Variants in PARD3B observed in about 807,000 individuals in gnomAD.
The protein encoded by PARD3B is partitioning defective 3 homolog B.
A neutral mutation model predicts 130.2 loss-of-function variants in PARD3B; 103 were observed. The observed-to-expected ratio is 0.79, with a 90% CI of 0.67 to 0.93. The LOEUF (loss-of-function observed/expected upper bound fraction) is 0.93, where lower values mean the gene tolerates loss of function less well. Ranked by LOEUF, PARD3B falls within the 40% of genes least tolerant of loss-of-function variation. The pLI, the probability that PARD3B is intolerant of heterozygous loss-of-function variation, is 0.00. For missense variants in PARD3B, 1,609 were observed against 1,499.2 expected (o/e 1.07, Z -1.21); for synonymous variants, 583 against 553.2 (o/e 1.05, Z -0.76).
intron 2 of PARD3B, among the ~76,000 whole-genome samples, chr2:204,910,931 C>T (rs565296868): frequency 2.0e-5 from 3 of 152,268 alleles, no homozygotes; most frequent in Admixed American, 1.3e-4. Flanking sequence ...CATGAGACAC[C>T]GCGCCCGGCC....
intron 4 of PARD3B, among the ~76,000 whole-genome samples, chr2:205,067,771 T>A (rs960036787): frequency 3.9e-5 from 6 of 152,214 alleles, no homozygotes; most frequent in African/African-American, 1.4e-4. Context: ...TAGATGATGC[T>A]ATTTTTTCTT....
chr2:204,604,719 T>C (rs1284109588), intron 1 of PARD3B, among the ~76,000 whole-genome samples: 1 of 152,176 alleles, frequency 6.6e-6, no homozygotes, highest in African/African-American at 2.4e-5. Context: ...ATATAGTAGA[T>C]TGATATTTAG....
At chr2:205,279,070 CAAAAAAAAAA>C (rs57717513) in intron 16 of PARD3B, among the ~76,000 whole-genome samples, 2 of 38,868 alleles carry the variant, frequency 5.1e-5, no homozygotes, top group South Asian at 2.4e-3. Flanking sequence ...GAATCTGTCT[CAAAAAAAAAA>C]AAAAAAAAAA....
intron 2 of PARD3B, among the ~76,000 whole-genome samples, chr2:204,880,087 T>C (rs2045982906): frequency 6.6e-6 from 1 of 152,218 alleles, no homozygotes; most frequent in Admixed American, 6.5e-5. Flanking sequence ...TATACCTGGA[T>C]TGTGCTTCCT....
chr2:205,499,043 A>G (rs1026427496), intron 20 of PARD3B, among the ~76,000 whole-genome samples: 2 of 152,154 alleles, frequency 1.3e-5, no homozygotes, highest in Non-Finnish European at 2.9e-5. Context: ...GCACTCAGTT[A>G]TGCCTCAAAT....
intron 1 of PARD3B, among the ~76,000 whole-genome samples, chr2:204,557,396 T>G (rs1170937201): frequency 3.3e-5 from 5 of 152,168 alleles, no homozygotes; most frequent in Non-Finnish European, 7.4e-5. Flanking sequence ...CTCCCTCATA[T>G]TCCACCACAT....
chr2:205,009,134 G>C (rs1280829031), intron 3 of PARD3B, among the ~76,000 whole-genome samples: 1 of 152,088 alleles, frequency 6.6e-6, no homozygotes, highest in Non-Finnish European at 1.5e-5. Flanking sequence ...GATTAATTCT[G>C]CTTTGTAACT....
At chr2:205,508,811 G>A (rs1417345815) in intron 21 of PARD3B, among the ~76,000 whole-genome samples, 1 of 152,146 alleles carries the variant, frequency 6.6e-6, no homozygotes, top group Non-Finnish European at 1.5e-5. Context: ...TACATTGCGT[G>A]GGTTTTAGAA....
chr2:204,796,295 A>G (rs1368878938), intron 2 of PARD3B, among the ~76,000 whole-genome samples: 1 of 152,210 alleles, frequency 6.6e-6, no homozygotes, highest in Non-Finnish European at 1.5e-5. Flanking sequence ...ATGACACTGC[A>G]TAAGCAGGGA....
At chr2:204,758,135 C>G (rs1018792479) in intron 2 of PARD3B, among the ~76,000 whole-genome samples, 2 of 152,148 alleles carry the variant, frequency 1.3e-5, no homozygotes, top group Admixed American at 1.3e-4. Flanking sequence ...GGCAGTGTCT[C>G]ATCCTCCAGG....
At chr2:204,721,221 A>AG (rs2038981671) in intron 2 of PARD3B, among the ~76,000 whole-genome samples, 1 of 152,222 alleles carries the variant, frequency 6.6e-6, no homozygotes, top group Non-Finnish European at 1.5e-5. Flanking sequence ...CCTGTGAATT[A>AG]GAGTTTAAGA....
intron 19 of PARD3B, among the ~76,000 whole-genome samples, chr2:205,415,461 AC>A: frequency 6.6e-6 from 1 of 152,278 alleles, no homozygotes; most frequent in Non-Finnish European, 1.5e-5. Context: ...TCACCAGCAA[AC>A]AAAAATCCAA....
intron 2 of PARD3B, among the ~76,000 whole-genome samples, chr2:204,808,357 A>T (rs1248935315): frequency 6.6e-6 from 1 of 152,034 alleles, no homozygotes; most frequent in East Asian, 1.9e-4. Flanking sequence ...TTTCTTTTAG[A>T]TTCAGGAGTA....
chr2:204,647,599 C>G (rs750243762), intron 1 of PARD3B, among the ~76,000 whole-genome samples: 73 of 151,622 alleles, frequency 4.8e-4, no homozygotes, highest in Non-Finnish European at 7.5e-4. Context: ...GAGTGGTACA[C>G]TGTGATCATA....
intron 4 of PARD3B, among the ~76,000 whole-genome samples, chr2:205,076,331 G>C (rs893385616): frequency 6.6e-6 from 1 of 152,160 alleles, no homozygotes; most frequent in African/African-American, 2.4e-5. Flanking sequence ...AAAACTTCTG[G>C]ATAATAACTT....
chr2:205,527,739 A>G (rs1208023323), intron 21 of PARD3B, among the ~76,000 whole-genome samples: 1 of 152,170 alleles, frequency 6.6e-6, no homozygotes. Flanking sequence ...CATAGAGAGT[A>G]CATACCTGAT....
chr2:204,722,376 C>T (rs1371888583), intron 2 of PARD3B, among the ~76,000 whole-genome samples: 1 of 152,170 alleles, frequency 6.6e-6, no homozygotes, highest in Non-Finnish European at 1.5e-5. Flanking sequence ...TCATATCTGG[C>T]TGACAAATGC....
chr2:205,270,363 T>C (rs1025816614), intron 16 of PARD3B, among the ~76,000 whole-genome samples: 4 of 151,986 alleles, frequency 2.6e-5, no homozygotes, highest in Non-Finnish European at 5.9e-5. Context: ...GGTCAGGAGA[T>C]AGAGACCAAC....
rs74759696 is a variant in PARD3B at position 205,607,087 on chromosome 2, A to T, written c.3261-8369A>T. 5.0e-3 allele frequency among the ~76,000 whole-genome samples: 759 copies of T among 152,314 alleles called. 20 individuals are homozygous for T. The East Asian group carries it at 0.095, about 19-fold the overall frequency. ...CCGCACAAATATCTGTTTGATTTTC[A>T]TAAAGGGCACCAAGAAACTTTGCTT... On this transcript the variant is annotated intron_variant, in intron 22 of 22. Transcript: ENST00000406610.
Sources: gnomAD v4.1 joint callset for allele counts (sites outside exome capture counted in the v4.1 genomes callset) on GRCh38, gnomAD v4.1.1 for gene constraint, MANE v1.5 for transcripts, NCBI Gene and HGNC (gene_info 2026-07-23, HGNC 2026-07-21) for gene names.